CFAP299: variants seen among roughly 807,000 people sequenced by gnomAD.
The protein encoded by CFAP299 is cilia and flagella associated protein 299.
Under a neutral mutation model 27.0 loss-of-function variants are expected in CFAP299, and 21 were observed. That is an observed-to-expected ratio of 0.78 (90% CI 0.55 to 1.12). The LOEUF (loss-of-function observed/expected upper bound fraction) is 1.12, where lower values mean the gene tolerates loss of function less well. CFAP299 is among the 50% of genes most tolerant of loss of function. The probability of loss-of-function intolerance (pLI) is 0.00; values close to 1 mark genes in which losing one functional copy is unlikely to be tolerated. For missense variants in CFAP299, 310 were observed against 276.6 expected, an observed-to-expected ratio of 1.12 and a Z score of -0.86; for synonymous variants, 104 against 98.1, an observed-to-expected ratio of 1.06 and a Z score of -0.36.
At chr4:80,839,891 AG>A (rs1311660763) in intron 3 of CFAP299, among the ~76,000 whole-genome samples, 1 of 152,126 alleles carries the variant, frequency 6.6e-6, no homozygotes, top group East Asian at 1.9e-4. Context: ...AGAAATGACC[AG>A]GGTTCTAGCA....
At chr4:80,808,394 A>T (rs547390640) in intron 3 of CFAP299, among the ~76,000 whole-genome samples, 2 of 152,146 alleles carry the variant, frequency 1.3e-5, no homozygotes, top group Non-Finnish European at 2.9e-5. Context: ...AATACTAAAC[A>T]TAGCGCTGTG....
intron 2 of CFAP299, among the ~76,000 whole-genome samples, chr4:80,518,120 G>T (rs1453426238): frequency 6.6e-6 from 1 of 152,024 alleles, no homozygotes; most frequent in African/African-American, 2.4e-5. Flanking sequence ...GTTCACTGAG[G>T]ATGAGAAGGC....
chr4:80,494,054 C>T (rs534402628), intron 2 of CFAP299, among the ~76,000 whole-genome samples: 2 of 152,054 alleles, frequency 1.3e-5, no homozygotes, highest in Admixed American at 6.5e-5. Flanking sequence ...GGATTACAGG[C>T]GTGAGCCACC....
At chr4:80,597,308 A>G (rs1016514008) in intron 3 of CFAP299, among the ~76,000 whole-genome samples, 1 of 152,178 alleles carries the variant, frequency 6.6e-6, no homozygotes, top group African/African-American at 2.4e-5. Context: ...ATTTGCATTT[A>G]TATGATTGTT....
chr4:80,508,554 A>C (rs1236963357), intron 2 of CFAP299, among the ~76,000 whole-genome samples: 2 of 152,160 alleles, frequency 1.3e-5, no homozygotes, highest in East Asian at 1.9e-4. Context: ...GTAATCAGCC[A>C]AACTGATCAC....
At chr4:80,486,527 A>G (rs1382693262) in intron 2 of CFAP299, among the ~76,000 whole-genome samples, 1 of 152,126 alleles carries the variant, frequency 6.6e-6, no homozygotes, top group Non-Finnish European at 1.5e-5. Flanking sequence ...AATAGCCCAA[A>G]CATTCTTCTC....
At chr4:80,359,767 A>G (rs940964114) in intron 1 of CFAP299, among the ~76,000 whole-genome samples, 1 of 152,060 alleles carries the variant, frequency 6.6e-6, no homozygotes, top group Non-Finnish European at 1.5e-5. Flanking sequence ...GTTTCAATAT[A>G]CTTCTGTAAC....
intron 3 of CFAP299, among the ~76,000 whole-genome samples, chr4:80,591,112 T>TA (rs1216309866): frequency 1.3e-4 from 17 of 129,416 alleles, no homozygotes; most frequent in African/African-American, 3.7e-4. Context: ...GAAATTTTTT[T>TA]TTTTTTTTTT....
chr4:80,434,777 C>T (rs1421742108), intron 2 of CFAP299, among the ~76,000 whole-genome samples: 1 of 151,998 alleles, frequency 6.6e-6, no homozygotes, highest in Admixed American at 6.6e-5. Flanking sequence ...ATTTGGTAGG[C>T]GGGAGGAGGA....
intron 3 of CFAP299, among the ~76,000 whole-genome samples, chr4:80,671,062 C>T (rs143618595): frequency 0.011 from 1,672 of 152,288 alleles, 33 homozygotes; most frequent in African/African-American, 0.036. Context: ...GAAGTCCTTG[C>T]CCATGCCTAT....
intron 2 of CFAP299, among the ~76,000 whole-genome samples, chr4:80,555,835 G>A (rs1166246671): frequency 1.3e-5 from 2 of 152,046 alleles, no homozygotes; most frequent in Non-Finnish European, 2.9e-5. Context: ...TGTGGGGCCA[G>A]TGGTAACATT....
chr4:80,592,743 A>G (rs1431179052), intron 3 of CFAP299, among the ~76,000 whole-genome samples: 1 of 152,324 alleles, frequency 6.6e-6, no homozygotes, highest in South Asian at 2.1e-4. Flanking sequence ...GGCAGAAAAC[A>G]CTGAAGTAAT....
At chr4:80,457,259 A>G (rs1729215198) in intron 2 of CFAP299, among the ~76,000 whole-genome samples, 1 of 152,228 alleles carries the variant, frequency 6.6e-6, no homozygotes, top group South Asian at 2.1e-4. Context: ...AAGTTGAATA[A>G]GTATCTTTGT....
At chr4:80,552,359 GAAA>G (rs1734564830) in intron 2 of CFAP299, among the ~76,000 whole-genome samples, 1 of 152,204 alleles carries the variant, frequency 6.6e-6, no homozygotes, top group Admixed American at 6.5e-5. Context: ...AAATGAAAAA[GAAA>G]AATGTCTTTT....
At chr4:80,404,160 T>C (rs1366455141) in intron 2 of CFAP299, among the ~76,000 whole-genome samples, 1 of 152,106 alleles carries the variant, frequency 6.6e-6, no homozygotes, top group Non-Finnish European at 1.5e-5. Flanking sequence ...AAATTGCTCC[T>C]AAGTGAAATT....
the CFAP299 span, among the ~76,000 whole-genome samples, chr4:80,324,893 G>T: frequency 6.6e-6 from 1 of 152,198 alleles, no homozygotes; most frequent in Admixed American, 6.5e-5. Context: ...GAGGCCGAGG[G>T]GGTTGGAACA....
intron 3 of CFAP299, among the ~76,000 whole-genome samples, chr4:80,739,157 T>A (rs1724101705): frequency 6.6e-6 from 1 of 152,148 alleles, no homozygotes; most frequent in Non-Finnish European, 1.5e-5. Flanking sequence ...TTCATTGGTT[T>A]ATCCTTTAAT....
intron 3 of CFAP299, among the ~76,000 whole-genome samples, chr4:80,697,235 CAGAATT>C (rs1162470914): frequency 1.3e-5 from 2 of 151,844 alleles, no homozygotes; most frequent in East Asian, 3.9e-4. Flanking sequence ...TATGAAATAA[CAGAATT>C]AGAGATCCCT....
chr4:80,456,727 T>C (rs997126395), intron 2 of CFAP299, among the ~76,000 whole-genome samples: 2 of 152,164 alleles, frequency 1.3e-5, no homozygotes, highest in South Asian at 2.1e-4. Flanking sequence ...TGGATAACCA[T>C]GTTGGAGTTC....
Sources: allele counts gnomAD v4.1 joint callset (sites outside exome capture counted in the v4.1 genomes callset), GRCh38; gene constraint gnomAD v4.1.1; transcripts MANE v1.5; gene names NCBI Gene and HGNC (gene_info 2026-07-23, HGNC 2026-07-21).